Variants in DOCK1 observed in about 807,000 individuals in gnomAD.
DOCK1 encodes dedicator of cytokinesis 1.
In DOCK1, 138 loss-of-function variants were observed where a neutral mutation model predicts 262.7. The observed-to-expected ratio is 0.53, with a 90% CI of 0.46 to 0.61. The LOEUF is 0.61. DOCK1 is among the 20% of genes least tolerant of loss of function. The pLI is 0.00. For synonymous variants in DOCK1, 866 were observed against 867.4 expected (o/e 1.00, Z 0.03); for missense variants, 1,908 against 2,370.7 (o/e 0.80, Z 4.05).
chr10:127,329,242 T>TG (rs2062871366), intron 29 of DOCK1, among the ~76,000 whole-genome samples: 2 of 151,808 alleles, frequency 1.3e-5, no homozygotes, highest in Admixed American at 1.3e-4. Context: ...GCCCGAGGGG[T>TG]GGGGCACGGT....
intron 29 of DOCK1, among the ~76,000 whole-genome samples, chr10:127,302,477 G>A (rs2061714823): frequency 1.3e-5 from 2 of 152,244 alleles, no homozygotes; most frequent in South Asian, 4.1e-4. Flanking sequence ...AGCTATGGTT[G>A]CTTTCCATAG....
At chr10:127,317,503 C>T (rs184370357) in intron 29 of DOCK1, among the ~76,000 whole-genome samples, 80 of 152,250 alleles carry the variant, frequency 5.3e-4, no homozygotes, top group Non-Finnish European at 6.3e-4. Flanking sequence ...GTTCTCTGCT[C>T]GCCCAGCACA....
chr10:127,340,123 A>T (rs1251352248), intron 30 of DOCK1, among the ~76,000 whole-genome samples: 2 of 152,174 alleles, frequency 1.3e-5, no homozygotes, highest in Admixed American at 1.3e-4. Flanking sequence ...ATATAATTAG[A>T]TAATAATATA....
chr10:127,196,359 C>A (rs2057148514), intron 27 of DOCK1, among the ~76,000 whole-genome samples: 1 of 148,712 alleles, frequency 6.7e-6, no homozygotes, highest in Admixed American at 6.7e-5. Flanking sequence ...CCAGCCACAG[C>A]CACCCGGCTT....
chr10:126,978,014 G>A, intron 3 of DOCK1, 26 bp downstream of exon 3: 2 of 1,608,834 alleles, frequency 1.2e-6, no homozygotes, highest in South Asian at 1.1e-5. Context: ...TAAACACAGT[G>A]CATGTCTCTT....
intron 27 of DOCK1, among the ~76,000 whole-genome samples, chr10:127,177,368 G>GTAAAA (rs2055259562): frequency 6.6e-6 from 1 of 152,222 alleles, no homozygotes; most frequent in South Asian, 2.1e-4. Context: ...TACCAGTGGG[G>GTAAAA]TAAAATGCCT....
At chr10:127,034,883 G>A (rs2043487245) in intron 18 of DOCK1, among the ~76,000 whole-genome samples, 1 of 152,212 alleles carries the variant, frequency 6.6e-6, no homozygotes, top group Admixed American at 6.5e-5. Flanking sequence ...CTGTGGACCA[G>A]GACATCCCCC....
At chr10:126,981,823 C>A in intron 3 of DOCK1, 95 bp from the exon 4 acceptor site, 9 of 1,249,676 alleles carry the variant, frequency 7.2e-6, no homozygotes, top group Non-Finnish European at 1.0e-5. Context: ...GCGATCTAGC[C>A]ACCCCTCACC....
intron 16 of DOCK1, among the ~76,000 whole-genome samples, chr10:127,031,399 T>C (rs2043231048): frequency 6.6e-6 from 1 of 152,218 alleles, no homozygotes. Flanking sequence ...GAAAAATCTC[T>C]TCTATGAGAT....
intron 27 of DOCK1, among the ~76,000 whole-genome samples, chr10:127,195,480 C>T (rs1240592271): frequency 2.0e-5 from 3 of 152,180 alleles, no homozygotes; most frequent in Non-Finnish European, 2.9e-5. Context: ...CTGCTCGCGC[C>T]TCTCCTCAAC....
chr10:127,268,693 A>AG (rs1003063066), intron 29 of DOCK1, among the ~76,000 whole-genome samples: 2 of 151,986 alleles, frequency 1.3e-5, no homozygotes, highest in Non-Finnish European at 2.9e-5. Context: ...TTCACTTATT[A>AG]GGGGGGTGTC....
chr10:126,921,181 A>C (rs1379230691), intron 1 of DOCK1, among the ~76,000 whole-genome samples: 1 of 147,678 alleles, frequency 6.8e-6, no homozygotes, highest in Non-Finnish European at 1.5e-5. Flanking sequence ...GTCTGAGCAG[A>C]AGAGTAAGAC....
rs1484867367 is a variant in DOCK1 at position 126,998,165 on chromosome 10, A to G, written c.683A>G (p.Asn228Ser). Residue 228 changes from asparagine (N) to serine (S), a missense_variant, in exon 8 of 52, where the codon AAC becomes AGC. By Grantham distance (46) the Asn-to-Ser change is conservative (BLOSUM62 1). Transcript: ENST00000623213. ...ACCCCTTCTCTGGCCTTGTTTGTGAACCTCAAAAATGTGGTTTGTAAAATA... is the reference window on the plus strand; with the variant it reads ...ACCCCTTCTCTGGCCTTGTTTGTGAGCCTCAAAAATGTGGTTTGTAAAATA... ...AATPSLALFV[N>S]LKNVVCKIGE... 6.2e-7 allele frequency: 1 copy of G among 1,614,000 alleles called. No individual in the cohort carries two copies. The highest frequency in any genetic ancestry group is 1.7e-5 in the Admixed American group (1 of 60,016).
At chr10:127,307,482 C>T (rs1363626929) in intron 29 of DOCK1, among the ~76,000 whole-genome samples, 1 of 152,216 alleles carries the variant, frequency 6.6e-6, no homozygotes, top group Non-Finnish European at 1.5e-5. Context: ...GCAAACAGTG[C>T]CCAATCAAGA....
At chr10:127,170,006 T>G (rs533414511) in intron 27 of DOCK1, among the ~76,000 whole-genome samples, 45 of 152,088 alleles carry the variant, frequency 3.0e-4, no homozygotes, top group Middle Eastern at 6.8e-3. Flanking sequence ...TTTAGCTTCT[T>G]TTTTTACCAC....
At chr10:127,408,090 G>A (rs1295809595) in intron 40 of DOCK1, among the ~76,000 whole-genome samples, 2 of 152,224 alleles carry the variant, frequency 1.3e-5, no homozygotes, top group South Asian at 2.1e-4. Flanking sequence ...CAAGGAAAAC[G>A]TTCCTTACAG....
intron 23 of DOCK1, among the ~76,000 whole-genome samples, chr10:127,102,245 C>G (rs1188408525): frequency 6.6e-6 from 1 of 152,160 alleles, no homozygotes; most frequent in Non-Finnish European, 1.5e-5. Context: ...TGACCTGGGC[C>G]AAAGACTTCA....
intron 1 of DOCK1, among the ~76,000 whole-genome samples, chr10:126,934,088 A>G (rs1303093314): frequency 2.0e-5 from 3 of 151,868 alleles, no homozygotes; most frequent in African/African-American, 4.8e-5. Flanking sequence ...AAGTGCTGGG[A>G]TTACATGTGT....
intron 29 of DOCK1, among the ~76,000 whole-genome samples, chr10:127,306,478 T>C (rs972252798): frequency 8.5e-5 from 13 of 152,070 alleles, no homozygotes; most frequent in African/African-American, 3.1e-4. Context: ...GCTCCTGCAT[T>C]TAGGAGCAGT....
Sources: allele counts gnomAD v4.1 joint callset (sites outside exome capture counted in the v4.1 genomes callset), GRCh38; gene constraint gnomAD v4.1.1; transcripts MANE v1.5; gene names NCBI Gene and HGNC (gene_info 2026-07-23, HGNC 2026-07-21).